Variants in MARCHF1 observed in about 807,000 individuals in gnomAD.
The protein encoded by MARCHF1 is membrane associated ring-CH-type finger 1.
In MARCHF1, 40 loss-of-function variants were observed where a neutral mutation model predicts 54.2. That is an observed-to-expected ratio of 0.74 (90% confidence interval 0.57 to 0.96). The LOEUF (loss-of-function observed/expected upper bound fraction) is 0.96, where lower values mean the gene tolerates loss of function less well. Among genes scored for constraint, MARCHF1 ranks in the 40% least tolerant of loss-of-function variants. MARCHF1 has a pLI of 0.00. For synonymous variants in MARCHF1, 236 were observed against 236.3 expected, an observed-to-expected ratio of 1.00 and a Z score of 0.01; for missense variants, 586 against 656.5, an observed-to-expected ratio of 0.89 and a Z score of 1.17.
chr4:163,879,811 G>GTGTGTGTC (rs1750375672), intron 3 of MARCHF1, among the ~76,000 whole-genome samples: 1 of 151,354 alleles, frequency 6.6e-6, no homozygotes. Context: ...AGGCGTGTGT[G>GTGTGTGTC]TGTGTGTGTG....
chr4:163,604,973 C>G (rs989367253), intron 7 of MARCHF1, among the ~76,000 whole-genome samples: 1 of 152,032 alleles, frequency 6.6e-6, no homozygotes, highest in African/African-American at 2.4e-5. Context: ...AATTACTTGT[C>G]TTAGCAACTG....
chr4:164,036,336 A>G (rs1349510289), intron 2 of MARCHF1, among the ~76,000 whole-genome samples: 1 of 152,110 alleles, frequency 6.6e-6, no homozygotes, highest in Admixed American at 6.6e-5. Context: ...CTACAATTGG[A>G]GATAGAGATT....
intron 5 of MARCHF1, among the ~76,000 whole-genome samples, chr4:163,644,756 T>C (rs984606430): frequency 6.6e-6 from 1 of 152,188 alleles, no homozygotes; most frequent in Non-Finnish European, 1.5e-5. Context: ...GTTCTGTCCA[T>C]GAACGGACCT....
At chr4:163,779,331 G>A (rs918308396) in intron 4 of MARCHF1, among the ~76,000 whole-genome samples, 2 of 152,144 alleles carry the variant, frequency 1.3e-5, no homozygotes, top group African/African-American at 4.8e-5. Flanking sequence ...AGTCAAGATG[G>A]AGAAGAGGCA....
At chr4:163,783,784 A>G (rs377629723) in intron 4 of MARCHF1, among the ~76,000 whole-genome samples, 4 of 152,256 alleles carry the variant, frequency 2.6e-5, no homozygotes, top group Admixed American at 6.5e-5. Context: ...CTTGCCTGCA[A>G]TGCTGGTCCC....
Position 163,780,163 on chromosome 4 carries a change from A to C in MARCHF1, c.111+73858T>G, listed in dbSNP as rs186396664. ...AGGGCCTATAGTTGTTTAACACTTAAGGGAAATCTCAGAATTCCAAATCCA... is the reference window on the plus strand; with the variant it reads ...AGGGCCTATAGTTGTTTAACACTTACGGGAAATCTCAGAATTCCAAATCCA... On this transcript the variant is annotated intron_variant, in intron 4 of 9. Transcript: ENST00000514618. Among the ~76,000 whole-genome samples the C allele has an allele frequency of 1.1e-3, 166 of 152,350 alleles. 2 individuals carry two copies. Among genetic ancestry groups the C allele is most frequent in the Non-Finnish European group, 1.9e-4 (13 of 68,028 alleles).
chr4:163,883,927 T>C (rs1750475180), intron 3 of MARCHF1, among the ~76,000 whole-genome samples: 1 of 152,184 alleles, frequency 6.6e-6, no homozygotes, highest in African/African-American at 2.4e-5. Flanking sequence ...GATCTTTGCT[T>C]GGTGCATGAA....
chr4:164,197,794 G>T, intron 1 of MARCHF1: 1 of 1,593,326 alleles, frequency 6.3e-7, no homozygotes, highest in Non-Finnish European at 8.5e-7. Context: ...CACGTTTTAG[G>T]ACTTTGAAGA....
intron 5 of MARCHF1, among the ~76,000 whole-genome samples, chr4:163,621,031 ACTT>A (rs1238973618): frequency 6.6e-6 from 1 of 152,204 alleles, no homozygotes; most frequent in East Asian, 1.9e-4. Context: ...TTAGAGCTCC[ACTT>A]CCCCTTTCAT....
chr4:164,248,081 C>T (rs1397798561), intron 1 of MARCHF1, among the ~76,000 whole-genome samples: 3 of 151,800 alleles, frequency 2.0e-5, no homozygotes, highest in African/African-American at 7.3e-5. Flanking sequence ...TTTCTTACAA[C>T]CACACACAAG....
At chr4:164,223,126 C>T (rs1365516108) in intron 1 of MARCHF1, among the ~76,000 whole-genome samples, 1 of 151,928 alleles carries the variant, frequency 6.6e-6, no homozygotes, top group Non-Finnish European at 1.5e-5. Flanking sequence ...CTTATCCTGG[C>T]CCCACCCTTA....
intron 4 of MARCHF1, among the ~76,000 whole-genome samples, chr4:163,787,896 A>G (rs1313382425): frequency 1.3e-5 from 2 of 151,994 alleles, no homozygotes; most frequent in African/African-American, 4.8e-5. Context: ...ATACAACCTT[A>G]AGAAAGAAGA....
chr4:163,860,198 G>A (rs1163721738), intron 3 of MARCHF1, among the ~76,000 whole-genome samples: 1 of 152,172 alleles, frequency 6.6e-6, no homozygotes, highest in Non-Finnish European at 1.5e-5. Flanking sequence ...AGTTGATGGA[G>A]CCCTAACGGG....
At chr4:164,376,809 C>A (rs1336549291) in intron 1 of MARCHF1, among the ~76,000 whole-genome samples, 1 of 152,172 alleles carries the variant, frequency 6.6e-6, no homozygotes, top group East Asian at 1.9e-4. Context: ...TGGGAAATAG[C>A]ACAACTGAGT....
intron 4 of MARCHF1, among the ~76,000 whole-genome samples, chr4:163,702,954 G>C (rs76497280): frequency 0.028 from 4,222 of 152,300 alleles, 66 homozygotes; most frequent in East Asian, 0.077. Flanking sequence ...TGTGCTGGCA[G>C]TGATGTAAAC....
chr4:163,615,592 T>C (rs1272206400), intron 5 of MARCHF1, among the ~76,000 whole-genome samples: 3 of 151,034 alleles, frequency 2.0e-5, no homozygotes, highest in Admixed American at 6.6e-5. Context: ...TAAAAAAAAA[T>C]GAAAAGATTC....
At chr4:164,033,737 C>T (rs1334462916) in intron 2 of MARCHF1, among the ~76,000 whole-genome samples, 1 of 152,138 alleles carries the variant, frequency 6.6e-6, no homozygotes, top group African/African-American at 2.4e-5. Context: ...CATCTCATGC[C>T]AGTCAGAACG....
intron 1 of MARCHF1, among the ~76,000 whole-genome samples, chr4:164,371,562 A>G (rs1428798451): frequency 6.6e-6 from 1 of 152,154 alleles, no homozygotes; most frequent in Non-Finnish European, 1.5e-5. Flanking sequence ...AATTCAAACC[A>G]ATAAGGAAAA....
chr4:164,117,176 T>C (rs953735661), intron 1 of MARCHF1, among the ~76,000 whole-genome samples: 2 of 151,974 alleles, frequency 1.3e-5, no homozygotes, highest in African/African-American at 4.8e-5. Flanking sequence ...GAGAATCGCT[T>C]GAAGCTGGAT....
Sources: gnomAD v4.1 joint callset for allele counts (sites outside exome capture counted in the v4.1 genomes callset) on GRCh38, gnomAD v4.1.1 for gene constraint, MANE v1.5 for transcripts, NCBI Gene and HGNC (gene_info 2026-07-23, HGNC 2026-07-21) for gene names.